The following HOGA1 variants were observed in gnomAD, a reference collection of about 807,000 sequenced individuals.
The protein encoded by HOGA1 is 4-hydroxy-2-oxoglutarate aldolase, mitochondrial.
HOGA1 carries 30 observed loss-of-function variants against 34.3 expected under a neutral mutation model. The ratio of observed to expected loss-of-function variants is 0.87; its 90% confidence interval spans 0.65 to 1.19. HOGA1 has a LOEUF of 1.19. HOGA1 is among the 50% of genes most tolerant of loss of function. The probability of loss-of-function intolerance (pLI) is 0.00; values close to 1 mark genes in which losing one functional copy is unlikely to be tolerated. For missense variants in HOGA1, 417 were observed against 436.5 expected, an observed-to-expected ratio of 0.96 and a Z score of 0.40; for synonymous variants, 161 against 174.0, an observed-to-expected ratio of 0.93 and a Z score of 0.59.
intron 1 of HOGA1, among the ~76,000 whole-genome samples, chr10:97,585,425 TGGGTCTCCCCAACTCTGA>T (rs1564753911): frequency 6.6e-6 from 1 of 152,210 alleles, no homozygotes; most frequent in African/African-American, 2.4e-5. Flanking sequence ...TCTTTACACA[TGGGTCTCCCCAACTCTGA>T]GGTTAGGGAC....
chr10:97,590,612 C>T, intron 1 of HOGA1: 1 of 1,577,896 alleles, frequency 6.3e-7, no homozygotes, highest in Non-Finnish European at 8.6e-7. Flanking sequence ...GATGGAGACG[C>T]CCCTGCCCCC....
At chr10:97,592,564 A>C (rs1180020531) in intron 1 of HOGA1, among the ~76,000 whole-genome samples, 2 of 152,002 alleles carry the variant, frequency 1.3e-5, no homozygotes, top group Non-Finnish European at 2.9e-5. Flanking sequence ...CTATTTTTGA[A>C]ACTTTTCTGT....
At chr10:97,584,960 C>A in intron 1 of HOGA1, 46 bp downstream of exon 1, 2 of 1,543,122 alleles carry the variant, frequency 1.3e-6, no homozygotes, top group South Asian at 1.1e-5. Context: ...TGTGAGTGGC[C>A]CTTTAGCCAG....
At chr10:97,586,961 A>G (rs891101817) in intron 1 of HOGA1, among the ~76,000 whole-genome samples, 2 of 152,238 alleles carry the variant, frequency 1.3e-5, no homozygotes, top group Non-Finnish European at 2.9e-5. Context: ...CACTTCTGCC[A>G]GTTAACAGAG....
At position 97,601,583 on chromosome 10, in the gene HOGA1, C is replaced by T. The variant is rs147822879; in HGVS notation, c.701-274C>T. 6.6e-5 allele frequency among the ~76,000 whole-genome samples: 10 copies of T among 152,260 alleles called. No homozygotes were observed. In the East Asian group the frequency reaches 1.7e-3, roughly 26 times the overall value. On this transcript the variant is annotated intron_variant, in intron 5 of 6. Coordinates refer to ENST00000370646, the MANE Select transcript of HOGA1 (RefSeq NM_138413.4). Reference sequence around the variant, plus strand: ...TCCGGGAGGGGTTCAGGGAAGGAACCGTCCTTGAGTTCACTTTCAGGCTCT... The same window carrying T: ...TCCGGGAGGGGTTCAGGGAAGGAACTGTCCTTGAGTTCACTTTCAGGCTCT...
intron 6 of HOGA1, among the ~76,000 whole-genome samples, chr10:97,607,123 A>AAG (rs34570019): frequency 2.0e-5 from 3 of 150,786 alleles, no homozygotes; most frequent in Non-Finnish European, 4.4e-5. Flanking sequence ...AAAAAAAAAA[A>AAG]GACACCTCTG....
At chr10:97,590,192 A>G (rs762455396) in intron 1 of HOGA1, 2 of 1,614,040 alleles carry the variant, frequency 1.2e-6, no homozygotes, top group Non-Finnish European at 1.7e-6. Context: ...CAGCAGGCAG[A>G]AGACATCTGG....
At chr10:97,589,658 T>A in intron 1 of HOGA1, 4 of 315,428 alleles carry the variant, frequency 1.3e-5, no homozygotes, top group Non-Finnish European at 1.2e-5. Flanking sequence ...TTCCTCACAA[T>A]GGGGTTCATT....
chr10:97,604,340 T>C (rs1357514264), intron 6 of HOGA1, among the ~76,000 whole-genome samples: 1 of 152,158 alleles, frequency 6.6e-6, no homozygotes, highest in Non-Finnish European at 1.5e-5. Context: ...TATTTATTTA[T>C]TGAGACAGGG....
intron 1 of HOGA1, chr10:97,589,658 T>G: frequency 3.2e-6 from 1 of 315,434 alleles, no homozygotes; most frequent in Admixed American, 4.2e-5. Context: ...TTCCTCACAA[T>G]GGGGTTCATT....
intron 1 of HOGA1, chr10:97,590,378 A>G: frequency 6.2e-7 from 1 of 1,614,120 alleles, no homozygotes; most frequent in Non-Finnish European, 8.5e-7. Flanking sequence ...CCTAGAGTCC[A>G]AGGACATCAA....
Position 97,600,133 on chromosome 10 carries a change from G to C in HOGA1, c.670G>C (p.Ala224Pro). ...KQDFQVLAGSAGFLMASYALG... is the reference protein window; with the variant it reads ...KQDFQVLAGSPGFLMASYALG... ...GGATTTTCAGGTGTTGGCTGGATCG[G>C]CTGGCTTTCTGATGGCCAGCTATGC... The change falls in exon 5 of 7, where the codon GCT becomes CCT. Residue 224 changes from alanine (A) to proline (P), a missense_variant. By Grantham distance (27) the Ala-to-Pro change is conservative. Transcript: ENST00000370646. 1 of 1,614,176 alleles carries C rather than the reference G, an allele frequency of 6.2e-7. No individual in the cohort carries two copies. The highest frequency in any genetic ancestry group is 8.5e-7 in the Non-Finnish European group (1 of 1,180,022).
rs750821701 is a variant in HOGA1, at chr10:97,592,440, C to CT, written c.212-6334dup. ...CATTTTTAGTAGAGACGGGGTTTCACTGTGTTAGCCAGGATGTTCTCCATC... is the reference window on the plus strand; with the variant it reads ...CATTTTTAGTAGAGACGGGGTTTCACTTGTGTTAGCCAGGATGTTCTCCATC... On this transcript the variant is annotated intron_variant, in intron 1 of 6. Coordinates refer to ENST00000370646, the MANE Select transcript of HOGA1 (RefSeq NM_138413.4). 2.0e-5 allele frequency among the ~76,000 whole-genome samples: 3 copies of CT among 151,942 alleles called. No individual in the cohort carries two copies. The South Asian group carries it at 6.2e-4, about 32-fold the overall frequency.
At chr10:97,594,847 T>C (rs2041056778) in intron 1 of HOGA1, among the ~76,000 whole-genome samples, 1 of 152,068 alleles carries the variant, frequency 6.6e-6, no homozygotes, top group Non-Finnish European at 1.5e-5. Context: ...ATCCCACACA[T>C]GGGGGTGGGG....
At chr10:97,600,264 G>C in intron 5 of HOGA1, 101 bp downstream of exon 5, 3 of 1,019,700 alleles carry the variant, frequency 2.9e-6, no homozygotes, top group Non-Finnish European at 4.6e-6. Context: ...TGGGTCTGCA[G>C]ATGGTAGTTT....
chr10:97,601,574 G>A (rs999046826), intron 5 of HOGA1, among the ~76,000 whole-genome samples: 2 of 152,168 alleles, frequency 1.3e-5, no homozygotes, highest in Non-Finnish European at 2.9e-5. Flanking sequence ...AGGGGTTCAG[G>A]GAAGGAACCG....
chr10:97,585,904 C>T (rs934173507), intron 1 of HOGA1, among the ~76,000 whole-genome samples: 12 of 152,004 alleles, frequency 7.9e-5, no homozygotes, highest in African/African-American at 2.4e-4. Context: ...TTTGGGAGGC[C>T]GAGGCGGAGG....
rs115282699 is a variant in HOGA1, at chr10:97,599,765, C to T, written c.554C>T (p.Thr185Met). 2.3e-4 allele frequency: 374 copies of T among 1,614,216 alleles called. 1 individual carries two copies. In the East Asian group the frequency reaches 4.5e-3, roughly 19 times the overall value. Reference protein sequence around the residue: ...GLDLPVDAVVTLSQHPNIVGM... With the variant: ...GLDLPVDAVVMLSQHPNIVGM... The stretch of plus-strand genomic sequence containing the variant: ...GACCTGCCTGTGGATGCAGTGGTCA[C>T]GCTTTCCCAGCACCCGAATATTGTG... The change falls in exon 4 of 7, where the codon ACG (threonine) becomes ATG (methionine). Residue 185 changes from threonine to methionine, a missense_variant. Transcript: ENST00000370646.
chr10:97,608,668 G>A (rs2041174499), intron 6 of HOGA1, among the ~76,000 whole-genome samples: 1 of 151,986 alleles, frequency 6.6e-6, no homozygotes, highest in African/African-American at 2.4e-5. Flanking sequence ...AGCCAGGCAT[G>A]GTGTTGGTCA....
Sources: allele counts gnomAD v4.1 joint callset (sites outside exome capture counted in the v4.1 genomes callset), GRCh38; gene constraint gnomAD v4.1.1; transcripts MANE v1.5; gene names NCBI Gene and HGNC (gene_info 2026-07-23, HGNC 2026-07-21).